The following TBC1D22A variants were observed in gnomAD, a reference collection of about 807,000 sequenced individuals.
The protein encoded by TBC1D22A is TBC1 domain family member 22A.
In TBC1D22A, 38 loss-of-function variants were observed where a neutral mutation model predicts 60.2. That is an observed-to-expected ratio of 0.63 (90% CI 0.49 to 0.83). TBC1D22A has a LOEUF of 0.83. Ranked by LOEUF, TBC1D22A falls within the 40% of genes least tolerant of loss-of-function variation. The probability of loss-of-function intolerance (pLI) is 0.00; values close to 1 mark genes in which losing one functional copy is unlikely to be tolerated. For synonymous variants in TBC1D22A, 302 were observed against 281.7 expected (o/e 1.07, Z -0.72); for missense variants, 628 against 701.0 (o/e 0.90, Z 1.18).
At position 47,056,436 on chromosome 22, in the gene TBC1D22A, C is replaced by T. The variant is rs73471647; in HGVS notation, c.1329+19238C>T. ...CCTGAGCGATATCCTTCAGAATGAG[C>T]CTGCGCATTTTCAGCAGATGAGGCC... is the stretch of plus-strand genomic sequence containing the variant. On this transcript the variant is annotated intron_variant, in intron 11 of 12. Coordinates refer to ENST00000337137, the MANE Select transcript of TBC1D22A (RefSeq NM_014346.5). Among the ~76,000 whole-genome samples the T allele has an allele frequency of 2.5e-3, 383 of 152,218 alleles. 2 individuals are homozygous for T. Among genetic ancestry groups the T allele is most frequent in the African/African-American group, 8.8e-3 (367 of 41,540 alleles).
intron 9 of TBC1D22A, 64 bp downstream of exon 9, chr22:46,974,463 G>T (rs554939423): frequency 1.3e-5 from 18 of 1,370,024 alleles, no homozygotes; most frequent in Non-Finnish European, 1.5e-5. Flanking sequence ...GAGAGCCTGA[G>T]GCCTTAGGCT....
intron 7 of TBC1D22A, among the ~76,000 whole-genome samples, chr22:46,904,764 G>A (rs929552840): frequency 4.6e-5 from 7 of 151,070 alleles, no homozygotes; most frequent in Admixed American, 1.3e-4. Flanking sequence ...CACTGCACCC[G>A]GCCGAGAAAA....
At chr22:46,910,381 C>A (rs1384045261) in intron 7 of TBC1D22A, among the ~76,000 whole-genome samples, 1 of 152,116 alleles carries the variant, frequency 6.6e-6, no homozygotes, top group Non-Finnish European at 1.5e-5. Context: ...ATGGAGCCTA[C>A]CAAGCCCAGT....
intron 10 of TBC1D22A, among the ~76,000 whole-genome samples, chr22:46,999,979 C>T (rs368638600): frequency 6.6e-6 from 1 of 152,132 alleles, no homozygotes; most frequent in Non-Finnish European, 1.5e-5. Flanking sequence ...GAGCCGAGAT[C>T]GTGCCACTGC....
Position 46,879,814 on chromosome 22 carries a change from A to G in TBC1D22A, c.708+1091A>G, listed in dbSNP as rs144044042. Among the ~76,000 whole-genome samples the G allele has an allele frequency of 1.4e-4, 21 of 152,302 alleles. No homozygotes were observed. The East Asian group carries it at 4.1e-3, about 29-fold the overall frequency. ...AAGGATGTGCCGTGTCTAGGGGGAAAGTCTCATGTGAGTTATTTTATACTG... is the reference window on the plus strand; with the variant it reads ...AAGGATGTGCCGTGTCTAGGGGGAAGGTCTCATGTGAGTTATTTTATACTG... On this transcript the variant is annotated intron_variant, in intron 5 of 12. Transcript: ENST00000337137.
chr22:47,139,614 G>A (rs963268464), intron 12 of TBC1D22A, among the ~76,000 whole-genome samples: 1 of 152,230 alleles, frequency 6.6e-6, no homozygotes, highest in Admixed American at 6.5e-5. Flanking sequence ...TGGGACAGGA[G>A]AGGGACCGCC....
At chr22:47,156,064 C>T (rs938011312) in intron 12 of TBC1D22A, among the ~76,000 whole-genome samples, 8 of 152,184 alleles carry the variant, frequency 5.3e-5, no homozygotes, top group African/African-American at 1.9e-4. Flanking sequence ...GGTGAGCCCC[C>T]TCCCCACGTG....
At chr22:47,043,431 G>C (rs1186086005) in intron 11 of TBC1D22A, among the ~76,000 whole-genome samples, 1 of 152,188 alleles carries the variant, frequency 6.6e-6, no homozygotes, top group Admixed American at 6.5e-5. Context: ...CCAGGTGAGA[G>C]ACATAGCATG....
At chr22:47,056,919 A>G (rs1441433701) in intron 11 of TBC1D22A, among the ~76,000 whole-genome samples, 1 of 152,164 alleles carries the variant, frequency 6.6e-6, no homozygotes, top group Non-Finnish European at 1.5e-5. Context: ...GGTGTCTGAC[A>G]TGGGAGGTGC....
At chr22:46,891,533 T>C in intron 6 of TBC1D22A, 139 bp downstream of exon 6, 2 of 853,052 alleles carry the variant, frequency 2.3e-6, no homozygotes, top group Non-Finnish European at 3.3e-6. Context: ...CACAGATTTT[T>C]ATTTTCTAAT....
At chr22:46,802,653 G>A (rs1241278815) in intron 4 of TBC1D22A, among the ~76,000 whole-genome samples, 1 of 152,208 alleles carries the variant, frequency 6.6e-6, no homozygotes, top group Non-Finnish European at 1.5e-5. Context: ...TTGAACCGGG[G>A]GAGTAAAGCG....
At chr22:47,116,007 C>G (rs2066032081) in intron 12 of TBC1D22A, 1 of 152,286 alleles carries the variant, frequency 6.6e-6, no homozygotes. Context: ...GTCTAAACCT[C>G]TCAGTTTGGC....
intron 7 of TBC1D22A, among the ~76,000 whole-genome samples, chr22:46,908,578 T>C (rs920313064): frequency 6.6e-6 from 1 of 152,172 alleles, no homozygotes; most frequent in Non-Finnish European, 1.5e-5. Context: ...CTTTCTTCAG[T>C]CAGTAAGAAA....
At chr22:46,780,764 C>T (rs1038720537) in intron 1 of TBC1D22A, among the ~76,000 whole-genome samples, 3 of 152,162 alleles carry the variant, frequency 2.0e-5, no homozygotes, top group African/African-American at 4.8e-5. Context: ...GAGCAGGTGC[C>T]CAGTCAGTGT....
Position 47,173,498 on chromosome 22 carries a change from G to C in TBC1D22A, c.1426G>C (p.Glu476Gln), listed in dbSNP as rs1306585811. Reference protein sequence around the residue: ...KEILEEKDFQELLLFLQNLPT... With the variant: ...KEILEEKDFQQLLLFLQNLPT... ...CCTGGGCTTGTCTCTTTCTCCCCAG[G>C]AGCTGCTGCTCTTCCTCCAGAACCT... is the stretch of plus-strand genomic sequence containing the variant. The change falls in exon 13 of 13, where the codon GAG (glutamate) becomes CAG (glutamine). Residue 476 changes from glutamate (E) to glutamine (Q), a missense_variant and splice_region_variant. Physicochemically the swap from Glu to Gln is conservative, Grantham distance 29. Transcript: ENST00000337137. The C allele has an allele frequency of 1.2e-6, 2 of 1,613,926 alleles. No individual in the cohort carries two copies. Among genetic ancestry groups the C allele is most frequent in the Admixed American group, 1.7e-5 (1 of 60,028 alleles).
intron 11 of TBC1D22A, among the ~76,000 whole-genome samples, chr22:47,054,574 C>T (rs557059437): frequency 6.6e-6 from 1 of 152,352 alleles, no homozygotes; most frequent in East Asian, 1.9e-4. Flanking sequence ...TTCCCAGCGG[C>T]AGCTCATTGC....
chr22:46,959,506 T>G (rs2148047819), intron 8 of TBC1D22A, among the ~76,000 whole-genome samples: 1 of 152,286 alleles, frequency 6.6e-6, no homozygotes. Flanking sequence ...TGGTCCCTGG[T>G]TTGAGAGGCC....
intron 8 of TBC1D22A, among the ~76,000 whole-genome samples, chr22:46,947,707 C>T (rs909460919): frequency 6.8e-6 from 1 of 147,738 alleles, no homozygotes; most frequent in Non-Finnish European, 1.5e-5. Context: ...TCCCTTTCTC[C>T]CTCCCTCTTC....
At chr22:46,966,498 A>G (rs539435676) in intron 8 of TBC1D22A, among the ~76,000 whole-genome samples, 48 of 152,352 alleles carry the variant, frequency 3.2e-4, no homozygotes, top group African/African-American at 1.2e-3. Context: ...ATTTGTTAAT[A>G]GAAGAAATCA....
Sources: gnomAD v4.1 joint callset for allele counts (sites outside exome capture counted in the v4.1 genomes callset) on GRCh38, gnomAD v4.1.1 for gene constraint, MANE v1.5 for transcripts, NCBI Gene and HGNC (gene_info 2026-07-23, HGNC 2026-07-21) for gene names.